SLC24A2: variants seen among roughly 807,000 people sequenced by gnomAD.
SLC24A2 encodes the protein solute carrier family 24 member 2, also known as sodium/potassium/calcium exchanger 2.
SLC24A2 carries 36 observed loss-of-function variants against 62.0 expected under a neutral mutation model. The ratio of observed to expected loss-of-function variants is 0.58; its 90% CI spans 0.44 to 0.77. The LOEUF is 0.77. SLC24A2 is among the 30% of genes least tolerant of loss of function. SLC24A2 has a pLI of 0.00. For synonymous variants in SLC24A2, 358 were observed against 294.0 expected (o/e 1.22, Z -2.23); for missense variants, 846 against 817.9 (o/e 1.03, Z -0.42).
chr9:20,024,774 C>A, the SLC24A2 span, among the ~76,000 whole-genome samples: 1 of 152,116 alleles, frequency 6.6e-6, no homozygotes, highest in Non-Finnish European at 1.5e-5. Flanking sequence ...TGGGGAGAAC[C>A]TTTCAAGGCC....
the SLC24A2 span, among the ~76,000 whole-genome samples, chr9:20,165,645 G>A: frequency 6.6e-6 from 1 of 151,838 alleles, no homozygotes; most frequent in Admixed American, 6.6e-5. Context: ...AACTCTAAAT[G>A]TATCAGGGAT....
the SLC24A2 span, among the ~76,000 whole-genome samples, chr9:19,993,851 A>T: frequency 6.6e-6 from 1 of 152,216 alleles, no homozygotes; most frequent in South Asian, 2.1e-4. Flanking sequence ...CTAGTGATTG[A>T]AAACACAATC....
At chr9:19,536,358 G>A (rs530508871) in intron 8 of SLC24A2, among the ~76,000 whole-genome samples, 29 of 96,280 alleles carry the variant, frequency 3.0e-4, no homozygotes, top group South Asian at 2.7e-3. Flanking sequence ...CCCCTCCCCC[G>A]ACCCCACCAC....
At chr9:20,289,940 C>T in the SLC24A2 span, among the ~76,000 whole-genome samples, 2 of 152,140 alleles carry the variant, frequency 1.3e-5, no homozygotes, top group Non-Finnish European at 2.9e-5. Flanking sequence ...AATTTAAACA[C>T]ACAGCCACAC....
chr9:19,879,632 C>G, the SLC24A2 span, among the ~76,000 whole-genome samples: 1 of 152,008 alleles, frequency 6.6e-6, no homozygotes, highest in Non-Finnish European at 1.5e-5. Context: ...AATGCAACAA[C>G]TGAAAAACAT....
chr9:19,969,183 C>CACA, the SLC24A2 span, among the ~76,000 whole-genome samples: 1 of 122,182 alleles, frequency 8.2e-6, no homozygotes. Context: ...ACCTCCTTTG[C>CACA]CACACACACA....
chr9:20,009,784 T>A, the SLC24A2 span, among the ~76,000 whole-genome samples: 1 of 152,182 alleles, frequency 6.6e-6, no homozygotes, highest in South Asian at 2.1e-4. Context: ...CCTGCCCAAC[T>A]CCAGCTGCAG....
the SLC24A2 span, among the ~76,000 whole-genome samples, chr9:20,246,684 A>G: frequency 6.6e-6 from 1 of 152,270 alleles, no homozygotes; most frequent in African/African-American, 2.4e-5. Flanking sequence ...GATCATGGGA[A>G]GGAAGGGAGA....
At chr9:20,050,635 G>A in the SLC24A2 span, among the ~76,000 whole-genome samples, 2 of 152,176 alleles carry the variant, frequency 1.3e-5, no homozygotes, top group African/African-American at 4.8e-5. Context: ...AGGGTTCAAG[G>A]TTATAAAGAT....
chr9:19,775,856 G>C lies in SLC24A2; in HGVS notation c.930+10081C>G, dbSNP rs150333693. Among the ~76,000 whole-genome samples the C allele has an allele frequency of 2.6e-4, 39 of 152,254 alleles. No homozygotes were observed. The East Asian group carries it at 7.5e-3, about 29-fold the overall frequency. Reference sequence around the variant, plus strand: ...CCTTGATCAAACAGATGCCCTTGTAGAGTACACAACTAGTACAGCTTTGCA... The same window carrying C: ...CCTTGATCAAACAGATGCCCTTGTACAGTACACAACTAGTACAGCTTTGCA... On this transcript the variant is annotated intron_variant, in intron 2 of 10. Transcript: ENST00000341998.
At chr9:19,542,916 G>T (rs938677055) in intron 8 of SLC24A2, among the ~76,000 whole-genome samples, 12 of 152,126 alleles carry the variant, frequency 7.9e-5, no homozygotes, top group Non-Finnish European at 1.3e-4. Context: ...TTGTGTCTCT[G>T]GCAGGTTTTG....
At position 19,711,291 on chromosome 9, in the gene SLC24A2, G is replaced by T. The variant is rs192991876; in HGVS notation, c.930+74646C>A. 6.0e-4 allele frequency among the ~76,000 whole-genome samples: 92 copies of T among 152,288 alleles called. 1 individual carries two copies. The highest frequency in any genetic ancestry group is 2.1e-3 in the African/African-American group (89 of 41,578). On this transcript the variant is annotated intron_variant, in intron 2 of 10. Coordinates refer to ENST00000341998, the MANE Select transcript of SLC24A2 (RefSeq NM_020344.4). ...CTGACGGCTAAAGTTGTATGTGCTT[G>T]GATTTTCTTGAGCTTTAAATTAGTC...
the SLC24A2 span, among the ~76,000 whole-genome samples, chr9:20,265,893 C>A: frequency 2.6e-5 from 4 of 152,104 alleles, no homozygotes; most frequent in Non-Finnish European, 5.9e-5. Flanking sequence ...CCCTTGGGTG[C>A]GGCCATCTTT....
At chr9:20,232,532 T>C in the SLC24A2 span, among the ~76,000 whole-genome samples, 3 of 152,218 alleles carry the variant, frequency 2.0e-5, no homozygotes, top group Non-Finnish European at 4.4e-5. Context: ...TAGAGGTGTT[T>C]ATAGTATTCT....
chr9:19,812,165 A>C, the SLC24A2 span, among the ~76,000 whole-genome samples: 1 of 152,156 alleles, frequency 6.6e-6, no homozygotes, highest in Non-Finnish European at 1.5e-5. Context: ...TTGTATTTGA[A>C]GATAACATAC....
the SLC24A2 span, among the ~76,000 whole-genome samples, chr9:20,019,156 A>AGAGAGAGG: frequency 8.1e-6 from 1 of 123,276 alleles, no homozygotes; most frequent in Non-Finnish European, 1.8e-5. Context: ...AAAGAAAGAA[A>AGAGAGAGG]GAGAGAGAGA....
chr9:20,184,028 G>T, the SLC24A2 span, among the ~76,000 whole-genome samples: 1 of 152,096 alleles, frequency 6.6e-6, no homozygotes, highest in Admixed American at 6.6e-5. Flanking sequence ...CTGATAAGGG[G>T]TTAATACACA....
the SLC24A2 span, among the ~76,000 whole-genome samples, chr9:20,089,547 C>T: frequency 6.6e-6 from 1 of 152,046 alleles, no homozygotes; most frequent in African/African-American, 2.4e-5. Context: ...TCCCTGGGAA[C>T]CCCCACTCCC....
chr9:20,056,090 T>C, the SLC24A2 span, among the ~76,000 whole-genome samples: 1 of 152,140 alleles, frequency 6.6e-6, no homozygotes, highest in Admixed American at 6.5e-5. Flanking sequence ...AAAGATCATA[T>C]GTAAAATGGT....
Sources: gnomAD v4.1 joint callset for allele counts (sites outside exome capture counted in the v4.1 genomes callset) on GRCh38, gnomAD v4.1.1 for gene constraint, MANE v1.5 for transcripts, NCBI Gene and HGNC (gene_info 2026-07-23, HGNC 2026-07-21) for gene names.